SLC25A20: variants seen among roughly 807,000 people sequenced by gnomAD.
The protein encoded by SLC25A20 is mitochondrial carnitine/acylcarnitine carrier protein.
In SLC25A20, 29 loss-of-function variants were observed where a neutral mutation model predicts 39.7. That is an observed-to-expected ratio of 0.73 (90% CI 0.54 to 1.00). SLC25A20 has a LOEUF of 1.00. Ranked by LOEUF, SLC25A20 falls within the 50% of genes least tolerant of loss-of-function variation. SLC25A20 has a pLI of 0.00. For synonymous variants in SLC25A20, 103 were observed against 142.2 expected (o/e 0.72, Z 1.96); for missense variants, 333 against 379.9 (o/e 0.88, Z 1.03).
intron 3 of SLC25A20, among the ~76,000 whole-genome samples, chr3:48,880,288 T>A (rs1157353598): frequency 6.6e-6 from 1 of 151,988 alleles, no homozygotes; most frequent in Non-Finnish European, 1.5e-5. Context: ...TTTTTGTTTG[T>A]TTGTGTTTGT....
intron 4 of SLC25A20, among the ~76,000 whole-genome samples, chr3:48,877,642 T>C (rs2083768557): frequency 6.6e-6 from 1 of 151,278 alleles, no homozygotes. Flanking sequence ...GGCAGGGGAA[T>C]AGCTGGAACC....
At chr3:48,872,137 GATTT>G (rs1439071852) in intron 4 of SLC25A20, among the ~76,000 whole-genome samples, 1 of 149,886 alleles carries the variant, frequency 6.7e-6, no homozygotes, top group Non-Finnish European at 1.5e-5. Context: ...CCTGCCCAAT[GATTT>G]TTTTTTTTTA....
At chr3:48,869,529 C>CT (rs1430280564) in intron 4 of SLC25A20, among the ~76,000 whole-genome samples, 2 of 151,842 alleles carry the variant, frequency 1.3e-5, no homozygotes, top group Non-Finnish European at 2.9e-5. Context: ...GCCGAAAAAC[C>CT]TTTTTTTTAA....
chr3:48,881,312 T>C (rs922393450), intron 3 of SLC25A20, among the ~76,000 whole-genome samples: 5 of 151,972 alleles, frequency 3.3e-5, no homozygotes, highest in Non-Finnish European at 7.4e-5. Context: ...GCAACTAAAT[T>C]CTCCCTATGA....
At position 48,863,044 on chromosome 3, in the gene SLC25A20, T is replaced by C. The variant is rs144605605; in HGVS notation, c.418-385A>G. ...CTGTCTCTACGAAAAATACAAAAAT[T>C]AGCTGGGCATGGTGGTGGGCGCCTG... On this transcript the variant is annotated intron_variant, in intron 4 of 8. Transcript: ENST00000319017. 3.1e-3 allele frequency among the ~76,000 whole-genome samples: 469 copies of C among 151,996 alleles called. 2 individuals are homozygous for C. Among genetic ancestry groups the C allele is most frequent in the African/African-American group, 0.011 (457 of 41,482 alleles).
At chr3:48,875,393 C>T (rs558047223) in intron 4 of SLC25A20, among the ~76,000 whole-genome samples, 9 of 152,128 alleles carry the variant, frequency 5.9e-5, no homozygotes, top group African/African-American at 2.2e-4. Context: ...AGCCACCGCA[C>T]CCAGCCTATT....
Position 48,857,655 on chromosome 3 carries a change from T to C in SLC25A20, c.*55A>G. On this transcript the variant is annotated 3_prime_UTR_variant, in exon 9 of 9. Coordinates refer to ENST00000319017, the MANE Select transcript of SLC25A20 (RefSeq NM_000387.6). ...ACTGCTTAGTTCTGCTTACTACTCCTTCTCCTCAACGACAGCTTCCAGCAT... is the reference window on the plus strand; with the variant it reads ...ACTGCTTAGTTCTGCTTACTACTCCCTCTCCTCAACGACAGCTTCCAGCAT... 1 of 1,544,516 alleles carries C rather than the reference T, an allele frequency of 6.5e-7. No homozygotes were observed. The highest frequency in any genetic ancestry group is 8.9e-7 in the Non-Finnish European group (1 of 1,119,700).
intron 3 of SLC25A20, among the ~76,000 whole-genome samples, chr3:48,883,477 G>C (rs938461700): frequency 2.6e-5 from 4 of 151,266 alleles, no homozygotes; most frequent in Non-Finnish European, 5.9e-5. Flanking sequence ...CTTGTACCTG[G>C]GAGGCGGAGG....
At chr3:48,868,947 T>C (rs1403063825) in intron 4 of SLC25A20, among the ~76,000 whole-genome samples, 1 of 152,280 alleles carries the variant, frequency 6.6e-6, no homozygotes, top group Non-Finnish European at 1.5e-5. Flanking sequence ...GAATTAGGAC[T>C]TGCATCCCTG....
At chr3:48,881,733 A>AT (rs2083796783) in intron 3 of SLC25A20, among the ~76,000 whole-genome samples, 1 of 152,070 alleles carries the variant, frequency 6.6e-6, no homozygotes, top group Non-Finnish European at 1.5e-5. Flanking sequence ...AAGTGACCCC[A>AT]CGGGGGTCAT....
At chr3:48,869,367 G>C (rs969315909) in intron 4 of SLC25A20, among the ~76,000 whole-genome samples, 1 of 151,996 alleles carries the variant, frequency 6.6e-6, no homozygotes, top group African/African-American at 2.4e-5. Flanking sequence ...AAATTTTTTG[G>C]CTGGGCACGG....
rs554259250 is a variant in SLC25A20 at position 48,866,141 on chromosome 3, GA to G, written c.418-3483del. ...GAGCGAGACTCTGTCTCAAAAAAAG[GA>G]AAAAAAAAAGTCACTAGTGACCTTG... On this transcript the variant is annotated intron_variant, in intron 4 of 8. Transcript: ENST00000319017. Among the ~76,000 whole-genome samples, 442 of 146,176 alleles carry G rather than the reference GA, an allele frequency of 3.0e-3. 3 individuals carry two copies. Among genetic ancestry groups the G allele is most frequent in the African/African-American group, 0.01 (405 of 39,866 alleles).
At chr3:48,867,436 G>GTTTTTTTTT (rs2083680325) in intron 4 of SLC25A20, among the ~76,000 whole-genome samples, 1 of 35,780 alleles carries the variant, frequency 2.8e-5, no homozygotes, top group Non-Finnish European at 5.9e-5. Context: ...TGTATTTTTA[G>GTTTTTTTTT]TAGAGATGGG....
intron 2 of SLC25A20, among the ~76,000 whole-genome samples, chr3:48,890,764 C>T (rs2083867100): frequency 6.6e-6 from 1 of 151,010 alleles, no homozygotes. Flanking sequence ...ACACCATTCT[C>T]CTGCCTCAGC....
intron 1 of SLC25A20, among the ~76,000 whole-genome samples, chr3:48,893,869 AAAAAAAG>A (rs1378840352): frequency 1.3e-5 from 2 of 150,144 alleles, no homozygotes; most frequent in Non-Finnish European, 3.0e-5. Flanking sequence ...AAAAAAAAAA[AAAAAAAG>A]GAGGCCAGGC....
chr3:48,861,645 T>C (rs1035604630), intron 5 of SLC25A20, among the ~76,000 whole-genome samples: 6 of 152,126 alleles, frequency 3.9e-5, no homozygotes, highest in African/African-American at 1.4e-4. Flanking sequence ...GAGAGTCACT[T>C]GAACCCAGGA....
At chr3:48,877,872 G>A (rs1319987155) in intron 4 of SLC25A20, among the ~76,000 whole-genome samples, 1 of 152,120 alleles carries the variant, frequency 6.6e-6, no homozygotes. Flanking sequence ...AATAAGGGTG[G>A]GTAGGCCCAG....
At chr3:48,882,961 GC>G (rs2083804718) in intron 3 of SLC25A20, among the ~76,000 whole-genome samples, 3 of 151,730 alleles carry the variant, frequency 2.0e-5, no homozygotes, top group African/African-American at 7.3e-5. Context: ...GCCAAAGGGG[GC>G]GGATCACGAG....
intron 2 of SLC25A20, among the ~76,000 whole-genome samples, chr3:48,888,570 A>T (rs1195278274): frequency 7.0e-6 from 1 of 142,114 alleles, no homozygotes; most frequent in East Asian, 2.0e-4. Flanking sequence ...CTCTTGTCTC[A>T]AAATAAATAA....
Sources: allele counts gnomAD v4.1 joint callset (sites outside exome capture counted in the v4.1 genomes callset), GRCh38; gene constraint gnomAD v4.1.1; transcripts MANE v1.5; gene names NCBI Gene and HGNC (gene_info 2026-07-23, HGNC 2026-07-21).